SLC20A2: variants seen among roughly 807,000 people sequenced by gnomAD.
SLC20A2 encodes the protein solute carrier family 20 member 2, also known as sodium-dependent phosphate transporter 2.
A neutral mutation model predicts 61.0 loss-of-function variants in SLC20A2; 30 were observed. The ratio of observed to expected loss-of-function variants is 0.49; its 90% CI spans 0.37 to 0.67. The LOEUF (loss-of-function observed/expected upper bound fraction) is 0.67. Among genes scored for constraint, SLC20A2 ranks in the 30% least tolerant of loss-of-function variants. The pLI, the probability that SLC20A2 is intolerant of heterozygous loss-of-function variation, is 0.00. For missense variants in SLC20A2, 626 were observed against 866.4 expected, an observed-to-expected ratio of 0.72 and a Z score of 3.48; for synonymous variants, 351 against 353.3, an observed-to-expected ratio of 0.99 and a Z score of 0.07.
chr8:42,525,803 C>T (rs559380514), intron 1 of SLC20A2, among the ~76,000 whole-genome samples: 167 of 151,826 alleles, frequency 1.1e-3, no homozygotes, highest in African/African-American at 3.5e-3. Flanking sequence ...AGATATAAAC[C>T]CACGATGATA....
chr8:42,482,977 C>T (rs1271701079), intron 1 of SLC20A2, among the ~76,000 whole-genome samples: 3 of 152,080 alleles, frequency 2.0e-5, no homozygotes, highest in African/African-American at 7.2e-5. Flanking sequence ...ACCCAGGAGG[C>T]AGAGGTTGCA....
intron 5 of SLC20A2, among the ~76,000 whole-genome samples, chr8:42,446,225 A>G (rs1031393760): frequency 1.3e-5 from 2 of 152,246 alleles, no homozygotes; most frequent in African/African-American, 4.8e-5. Context: ...AAATCCCATA[A>G]TGCACACTAA....
rs1395992644 is a variant in SLC20A2, at chr8:42,529,590, A to C, written c.-265+12231T>G. On this transcript the variant is annotated intron_variant, in intron 1 of 10. Coordinates refer to the SLC20A2 transcript ENST00000342228. ...AAAGCTCAGTTTCTCAAAAAACATA[A>C]TAGGGAACCATGAAAGACAAAACCA... is the stretch of plus-strand genomic sequence containing the variant. 3.3e-5 allele frequency among the ~76,000 whole-genome samples: 5 copies of C among 152,356 alleles called. No homozygotes were observed. The East Asian group carries it at 9.6e-4, about 29-fold the overall frequency.
In SLC20A2 at chr8:42,526,672, C is replaced by CAA. The variant is rs35859760; in HGVS notation, c.-265+15147_-265+15148dup. ...TGGGCGACAGAGAGAGACTCTGTCT[C>CAA]AAAAAAAAAAAAAGAAACTGTCACA... On this transcript the variant is annotated intron_variant, in intron 1 of 10. Coordinates refer to the SLC20A2 transcript ENST00000342228. 2.0e-3 allele frequency among the ~76,000 whole-genome samples: 262 copies of CAA among 133,394 alleles called. 1 individual carries two copies. Among genetic ancestry groups the CAA allele is most frequent in the Middle Eastern group, 0.012 (3 of 252 alleles). The allele number at this position is 133,394 out of a possible 152,430, so 87.5% of individuals were successfully genotyped here.
At chr8:42,443,264 G>GTTTTATAT (rs1187147221) in intron 6 of SLC20A2, among the ~76,000 whole-genome samples, 133 of 105,464 alleles carry the variant, frequency 1.3e-3, no homozygotes, top group African/African-American at 4.4e-3. Context: ...ATTATTATAG[G>GTTTTATAT]ATATATATAT....
chr8:42,484,948 C>T (rs979245132), intron 1 of SLC20A2: 4 of 392,814 alleles, frequency 1.0e-5, no homozygotes, highest in East Asian at 1.5e-4. Flanking sequence ...AAGAGGTGAA[C>T]AGGGCACACG....
At chr8:42,485,642 CAAAA>C (rs941111189) in intron 1 of SLC20A2, among the ~76,000 whole-genome samples, 2 of 27,844 alleles carry the variant, frequency 7.2e-5, no homozygotes. Context: ...AACTCCGTCT[CAAAA>C]AAAAAAAAAA....
intron 6 of SLC20A2, among the ~76,000 whole-genome samples, chr8:42,441,737 G>T (rs1804799300): frequency 6.6e-6 from 1 of 151,868 alleles, no homozygotes; most frequent in African/African-American, 2.4e-5. Flanking sequence ...AAACTGCTGG[G>T]ATTATAGTCG....
At chr8:42,526,755 T>C (rs533653985) in intron 1 of SLC20A2, among the ~76,000 whole-genome samples, 84 of 151,742 alleles carry the variant, frequency 5.5e-4, no homozygotes, top group South Asian at 1.0e-3. Flanking sequence ...TAATAATGTA[T>C]TGATATTGGT....
At chr8:42,484,339 T>G (rs1413136700) in intron 1 of SLC20A2, among the ~76,000 whole-genome samples, 2 of 152,332 alleles carry the variant, frequency 1.3e-5, no homozygotes, top group Non-Finnish European at 1.5e-5. Context: ...ATTTGATTGG[T>G]AAGTCAGGTA....
At chr8:42,452,819 A>T (rs1805852536) in intron 5 of SLC20A2, among the ~76,000 whole-genome samples, 1 of 152,108 alleles carries the variant, frequency 6.6e-6, no homozygotes, top group African/African-American at 2.4e-5. Context: ...AGGCCTGGTT[A>T]AGTTGGGAAT....
At chr8:42,530,067 T>C (rs62509292) in intron 1 of SLC20A2, among the ~76,000 whole-genome samples, 1 of 152,158 alleles carries the variant, frequency 6.6e-6, no homozygotes, top group African/African-American at 2.4e-5. Flanking sequence ...ACAAGTTTAA[T>C]CATGCAATGA....
intron 1 of SLC20A2, chr8:42,484,746 C>A (rs781517077): frequency 4.5e-4 from 160 of 354,064 alleles, no homozygotes; most frequent in Non-Finnish European, 6.7e-4. Context: ...CCAAGAGAGC[C>A]TGACTTGGGA....
In SLC20A2 at chr8:42,485,514, C is replaced by T. The variant is rs529644735; in HGVS notation, c.-264-12860G>A. ...AAAATTGGCCGGGTGTAGTGGCGGG[C>T]GCCTGTAATCCCAGCTACTCAGAAG... On this transcript the variant is annotated intron_variant, in intron 1 of 10. Coordinates refer to ENST00000520262, the MANE Select transcript of SLC20A2 (RefSeq NM_001257180.2). Among the ~76,000 whole-genome samples, 729 of 150,808 alleles carry T rather than the reference C, an allele frequency of 4.8e-3. 6 individuals carry two copies. The highest frequency in any genetic ancestry group is 6.6e-3 in the Non-Finnish European group (443 of 67,586).
At chr8:42,452,927 CTGG>C in intron 5 of SLC20A2, among the ~76,000 whole-genome samples, 1 of 152,196 alleles carries the variant, frequency 6.6e-6, no homozygotes, top group Non-Finnish European at 1.5e-5. Flanking sequence ...AGCCACGTTT[CTGG>C]TAAGAGACGT....
At chr8:42,469,679 C>G (rs1396365246) in intron 2 of SLC20A2, among the ~76,000 whole-genome samples, 1 of 152,142 alleles carries the variant, frequency 6.6e-6, no homozygotes, top group Non-Finnish European at 1.5e-5. Flanking sequence ...CCTGTAATCC[C>G]AGCACTTTGG....
chr8:42,540,015 G>A (rs1391425733), intron 1 of SLC20A2, among the ~76,000 whole-genome samples: 1 of 152,188 alleles, frequency 6.6e-6, no homozygotes, highest in Non-Finnish European at 1.5e-5. Flanking sequence ...ACGTTTGCCC[G>A]GCGCGGTGGC....
chr8:42,462,777 C>T (rs1333139337), intron 4 of SLC20A2, among the ~76,000 whole-genome samples: 1 of 152,150 alleles, frequency 6.6e-6, no homozygotes, highest in Non-Finnish European at 1.5e-5. Flanking sequence ...AACTAAAGTA[C>T]AGAGCCAAGA....
chr8:42,468,419 G>T (rs957132948), intron 2 of SLC20A2, among the ~76,000 whole-genome samples: 2 of 152,176 alleles, frequency 1.3e-5, no homozygotes, highest in Admixed American at 1.3e-4. Flanking sequence ...ATAGCAGGGA[G>T]GGGAGGAGAC....
Sources: gnomAD v4.1 joint callset for allele counts (sites outside exome capture counted in the v4.1 genomes callset) on GRCh38, gnomAD v4.1.1 for gene constraint, MANE v1.5 for transcripts, NCBI Gene and HGNC (gene_info 2026-07-23, HGNC 2026-07-21) for gene names.